Variants in ARHGAP28 observed in about 807,000 individuals in gnomAD.
The protein encoded by ARHGAP28 is Rho GTPase activating protein 28, also known as rho GTPase-activating protein 28.
A neutral mutation model predicts 90.7 loss-of-function variants in ARHGAP28; 56 were observed. The ratio of observed to expected loss-of-function variants is 0.62; its 90% CI spans 0.50 to 0.77. The LOEUF (loss-of-function observed/expected upper bound fraction) is 0.77. ARHGAP28 is among the 30% of genes least tolerant of loss of function. The probability of loss-of-function intolerance (pLI) is 0.00; values close to 1 mark genes in which losing one functional copy is unlikely to be tolerated. For synonymous variants in ARHGAP28, 308 were observed against 323.3 expected, an observed-to-expected ratio of 0.95 and a Z score of 0.51; for missense variants, 869 against 900.9, an observed-to-expected ratio of 0.96 and a Z score of 0.45.
chr18:6,842,807 G>A lies in ARHGAP28; in HGVS notation c.543+5393G>A, dbSNP rs572816190. Among the ~76,000 whole-genome samples the A allele has an allele frequency of 5.3e-5, 8 of 152,024 alleles. No individual in the cohort carries two copies. The South Asian group carries it at 1.7e-3, about 32-fold the overall frequency. On this transcript the variant is annotated intron_variant, in intron 3 of 17. Coordinates refer to ENST00000383472, the MANE Select transcript of ARHGAP28 (RefSeq NM_001366230.1). Reference sequence around the variant, plus strand: ...TCCTCCACTTAAGACACATACATACGGGATTATGACACCTCTGAATCAAAA... The same window carrying A: ...TCCTCCACTTAAGACACATACATACAGGATTATGACACCTCTGAATCAAAA...
chr18:6,857,062 A>T (rs1600252618), intron 4 of ARHGAP28, among the ~76,000 whole-genome samples: 1 of 152,236 alleles, frequency 6.6e-6, no homozygotes, highest in African/African-American at 2.4e-5. Context: ...AACATTTATG[A>T]GTACAAATGT....
At chr18:6,757,856 C>T (rs1477947608) in intron 1 of ARHGAP28, among the ~76,000 whole-genome samples, 1 of 152,068 alleles carries the variant, frequency 6.6e-6, no homozygotes, top group Non-Finnish European at 1.5e-5. Context: ...GTTCAAGGCA[C>T]ACAAGCAGGA....
intron 5 of ARHGAP28, among the ~76,000 whole-genome samples, chr18:6,861,548 G>T (rs1309651097): frequency 6.6e-6 from 1 of 152,078 alleles, no homozygotes; most frequent in Non-Finnish European, 1.5e-5. Context: ...TCTGTAGCTG[G>T]CTTTAACACC....
In ARHGAP28 at chr18:6,797,504, C is replaced by G. The variant is rs915340602; in HGVS notation, c.123-27258C>G. 2.0e-5 allele frequency among the ~76,000 whole-genome samples: 3 copies of G among 152,156 alleles called. No individual in the cohort carries two copies. The East Asian group carries it at 5.8e-4, about 29-fold the overall frequency. On this transcript the variant is annotated intron_variant, in intron 1 of 17. Coordinates refer to ENST00000383472, the MANE Select transcript of ARHGAP28 (RefSeq NM_001366230.1). ...GTATATGATATTTCTCCCCCACCTC[C>G]CTCTTCCCGGTCTTCTGTTTCCTTT... is the stretch of plus-strand genomic sequence containing the variant.
rs201393119 is a variant in ARHGAP28, at chr18:6,890,131, C to G, written c.1734+46C>G. 9.1e-5 allele frequency: 145 copies of G among 1,601,442 alleles called. No homozygotes were observed. The highest frequency in any genetic ancestry group is 1.2e-4 in the Non-Finnish European group (138 of 1,169,042). ...AGGTCCCCCTCAGAAGTCCATGTCC[C>G]CAGGAAACATAAAGCCTCCATGATT... On this transcript the variant is annotated intron_variant, in intron 13 of 17. Transcript: ENST00000383472.
chr18:6,750,484 TG>T (rs2056060361), intron 1 of ARHGAP28, among the ~76,000 whole-genome samples: 1 of 152,196 alleles, frequency 6.6e-6, no homozygotes, highest in South Asian at 2.1e-4. Flanking sequence ...TTGGGTCATA[TG>T]TTACTGTGTT....
chr18:6,753,408 T>A lies in ARHGAP28; in HGVS notation c.122+23465T>A, dbSNP rs188393793. 6.6e-5 allele frequency among the ~76,000 whole-genome samples: 10 copies of A among 152,334 alleles called. No individual in the cohort carries two copies. The East Asian group carries it at 1.3e-3, about 21-fold the overall frequency. On this transcript the variant is annotated intron_variant, in intron 1 of 17. Transcript: ENST00000383472. The stretch of plus-strand genomic sequence containing the variant: ...GAACAGATACTGTGTTTTCTTGAGA[T>A]CAAATTGAGATCAACTGTATTTTTT...
At chr18:6,840,243 G>C (rs2056795588) in intron 3 of ARHGAP28, among the ~76,000 whole-genome samples, 1 of 152,074 alleles carries the variant, frequency 6.6e-6, no homozygotes, top group African/African-American at 2.4e-5. Context: ...ATCTTGAGAG[G>C]GTCCTAAAAT....
At position 6,827,777 on chromosome 18, in the gene ARHGAP28, A is replaced by G. The variant is rs2056682852; in HGVS notation, c.325+2813A>G. ...CGGTTGCCAGGCGGAGGGTCTCCTCACTTCTCAGACGGGGCGGCCGGGCAG... is the reference window on the plus strand; with the variant it reads ...CGGTTGCCAGGCGGAGGGTCTCCTCGCTTCTCAGACGGGGCGGCCGGGCAG... On this transcript the variant is annotated intron_variant, in intron 2 of 17. Coordinates refer to ENST00000383472, the MANE Select transcript of ARHGAP28 (RefSeq NM_001366230.1). 2.7e-5 allele frequency among the ~76,000 whole-genome samples: 4 copies of G among 149,052 alleles called. No individual in the cohort carries two copies. The South Asian group carries it at 8.6e-4, about 32-fold the overall frequency.
chr18:6,777,565 G>A (rs903725847), intron 1 of ARHGAP28, among the ~76,000 whole-genome samples: 75 of 152,118 alleles, frequency 4.9e-4, no homozygotes, highest in African/African-American at 1.8e-3. Context: ...TCTACGAAAA[G>A]TTTTTAAAAA....
intron 5 of ARHGAP28, among the ~76,000 whole-genome samples, chr18:6,863,621 C>A (rs1353399342): frequency 6.6e-6 from 1 of 151,664 alleles, no homozygotes; most frequent in Non-Finnish European, 1.5e-5. Flanking sequence ...GTTGAAAACT[C>A]TGGGTTCTTT....
intron 16 of ARHGAP28, among the ~76,000 whole-genome samples, chr18:6,902,405 T>C (rs748378756): frequency 4.6e-5 from 7 of 152,328 alleles, no homozygotes; most frequent in Non-Finnish European, 1.0e-4. Context: ...AAATTAAATA[T>C]TTATTTTAAA....
At chr18:6,870,232 T>C (rs1261287100) in intron 6 of ARHGAP28, among the ~76,000 whole-genome samples, 2 of 152,204 alleles carry the variant, frequency 1.3e-5, no homozygotes, top group Admixed American at 1.3e-4. Context: ...AACAGTGACA[T>C]TGGGTCTAGA....
intron 1 of ARHGAP28, among the ~76,000 whole-genome samples, chr18:6,758,393 G>A (rs12962078): frequency 0.064 from 9,656 of 151,812 alleles, 361 homozygotes; most frequent in East Asian, 0.16. Context: ...GCATGATCTC[G>A]GCTCACTGAA....
At chr18:6,740,015 C>T (rs1415338944) in intron 1 of ARHGAP28, among the ~76,000 whole-genome samples, 1 of 152,014 alleles carries the variant, frequency 6.6e-6, no homozygotes, top group African/African-American at 2.4e-5. Flanking sequence ...CCACCACACT[C>T]GGCTAATTTT....
intron 4 of ARHGAP28, among the ~76,000 whole-genome samples, chr18:6,855,893 C>T (rs1272270683): frequency 6.6e-6 from 1 of 152,230 alleles, no homozygotes; most frequent in African/African-American, 2.4e-5. Flanking sequence ...TGCCCCACTG[C>T]AGCTGACGTG....
intron 5 of ARHGAP28, among the ~76,000 whole-genome samples, chr18:6,866,559 A>C (rs527430826): frequency 2.6e-4 from 39 of 152,298 alleles, no homozygotes; most frequent in Admixed American, 2.5e-3. Flanking sequence ...TCGCTCTCCA[A>C]TAACACTTGC....
At chr18:6,861,306 G>T (rs527989046) in intron 5 of ARHGAP28, among the ~76,000 whole-genome samples, 1 of 152,242 alleles carries the variant, frequency 6.6e-6, no homozygotes, top group Admixed American at 6.5e-5. Flanking sequence ...AAATCTTTCT[G>T]CTCCCCTCCT....
intron 1 of ARHGAP28, among the ~76,000 whole-genome samples, chr18:6,745,710 C>T (rs578100284): frequency 6.6e-6 from 1 of 152,312 alleles, no homozygotes; most frequent in East Asian, 1.9e-4. Flanking sequence ...GAAGCCATCA[C>T]AGCATGTATG....
Sources: allele counts gnomAD v4.1 joint callset (sites outside exome capture counted in the v4.1 genomes callset), GRCh38; gene constraint gnomAD v4.1.1; transcripts MANE v1.5; gene names NCBI Gene and HGNC (gene_info 2026-07-23, HGNC 2026-07-21).